Variants in RGSL1 observed in about 807,000 individuals in gnomAD.
RGSL1 encodes the protein regulator of G protein signaling protein-like.
RGSL1 carries 97 observed loss-of-function variants against 124.7 expected under a neutral mutation model. That is an observed-to-expected ratio of 0.78 (90% confidence interval 0.66 to 0.92). The LOEUF (loss-of-function observed/expected upper bound fraction) is 0.92, where lower values mean the gene tolerates loss of function less well. Among genes scored for constraint, RGSL1 ranks in the 40% least tolerant of loss-of-function variants. RGSL1 has a pLI of 0.00. For missense variants in RGSL1, 1,233 were observed against 1,288.4 expected (o/e 0.96, Z 0.66); for synonymous variants, 424 against 438.1 (o/e 0.97, Z 0.40).
At position 182,536,008 on chromosome 1, in the gene RGSL1, G is replaced by A. The variant is rs547066447; in HGVS notation, c.2494+3217G>A. Among the ~76,000 whole-genome samples the A allele has an allele frequency of 2.0e-3, 312 of 152,216 alleles. 1 individual carries two copies. Among genetic ancestry groups the A allele is most frequent in the African/African-American group, 7.1e-3 (295 of 41,542 alleles). On this transcript the variant is annotated intron_variant, in intron 14 of 21. Coordinates refer to ENST00000294854, the MANE Select transcript of RGSL1 (RefSeq NM_001137669.2). ...TATTACTACAGTTTTATCTTTTAAA[G>A]AATTTCATATAAATGGAATCAAGCA...
chr1:182,485,781 C>T (rs2102079108), intron 6 of RGSL1, among the ~76,000 whole-genome samples: 1 of 152,174 alleles, frequency 6.6e-6, no homozygotes, highest in East Asian at 1.9e-4. Context: ...GCATGGCCAG[C>T]AAGCTAGGGA....
rs1234546384 is a variant in RGSL1, at chr1:182,536,014, CAT to C, written c.2494+3227_2494+3228del. 3.9e-5 allele frequency among the ~76,000 whole-genome samples: 6 copies of C among 152,114 alleles called. No individual in the cohort carries two copies. In the East Asian group the frequency reaches 1.2e-3, roughly 29 times the overall value. ...TACAGTTTTATCTTTTAAAGAATTT[CAT>C]ATAAATGGAATCAAGCAGTAGTCTT... On this transcript the variant is annotated intron_variant, in intron 14 of 21. Coordinates refer to ENST00000294854, the MANE Select transcript of RGSL1 (RefSeq NM_001137669.2).
chr1:182,523,026 C>T (rs5779136), intron 10 of RGSL1, among the ~76,000 whole-genome samples: 1 of 150,150 alleles, frequency 6.7e-6, no homozygotes, highest in African/African-American at 2.5e-5. Context: ...AAAACATTTT[C>T]TTTTTTTTAA....
At chr1:182,469,461 G>T (rs1190450696) in intron 4 of RGSL1, among the ~76,000 whole-genome samples, 2 of 152,068 alleles carry the variant, frequency 1.3e-5, no homozygotes, top group Non-Finnish European at 2.9e-5. Flanking sequence ...AAACTATAAT[G>T]AGATACCATT....
At chr1:182,459,558 T>C (rs113316066) in intron 3 of RGSL1, among the ~76,000 whole-genome samples, 3 of 152,220 alleles carry the variant, frequency 2.0e-5, no homozygotes, top group African/African-American at 7.2e-5. Context: ...ATGCTATGTG[T>C]GAATTTTGTT....
chr1:182,448,796 T>C (rs1651625471), upstream of RGSL1, among the ~76,000 whole-genome samples: 1 of 152,174 alleles, frequency 6.6e-6, no homozygotes, highest in African/African-American at 2.4e-5. Flanking sequence ...GATACTGGCT[T>C]TTCATCTTTA....
chr1:182,529,158 C>T (rs559171943), intron 11 of RGSL1, among the ~76,000 whole-genome samples: 2 of 152,172 alleles, frequency 1.3e-5, no homozygotes, highest in Non-Finnish European at 2.9e-5. Flanking sequence ...AAGATACTTT[C>T]ACATGTATCC....
At chr1:182,527,514 A>C in intron 10 of RGSL1, 65 bp from the exon 11 acceptor site, 4 of 1,375,212 alleles carry the variant, frequency 2.9e-6, no homozygotes, top group Non-Finnish European at 3.9e-6. Flanking sequence ...CCCATTTCCT[A>C]ATTGAAACAG....
At chr1:182,466,962 T>C (rs1653387011) in intron 4 of RGSL1, among the ~76,000 whole-genome samples, 1 of 152,202 alleles carries the variant, frequency 6.6e-6, no homozygotes, top group Admixed American at 6.5e-5. Context: ...AGCATTCTTA[T>C]ACACCAATAA....
At chr1:182,558,328 G>A (rs1200975110) in intron 21 of RGSL1, among the ~76,000 whole-genome samples, 3 of 149,426 alleles carry the variant, frequency 2.0e-5, no homozygotes, top group African/African-American at 7.7e-5. Context: ...CCAAGAAAGA[G>A]GGACCAGGTA....
intron 9 of RGSL1, among the ~76,000 whole-genome samples, chr1:182,500,465 T>C (rs1656264895): frequency 6.6e-6 from 1 of 152,342 alleles, no homozygotes; most frequent in South Asian, 2.1e-4. Context: ...ATTTTATTTT[T>C]TCAAGGTCGT....
intron 4 of RGSL1, among the ~76,000 whole-genome samples, chr1:182,465,380 G>A (rs142516677): frequency 0.065 from 9,677 of 149,642 alleles, 408 homozygotes; most frequent in South Asian, 0.18. Context: ...ACCAAACACC[G>A]CATGTTCTCA....
At chr1:182,520,964 G>C (rs564366236) in intron 9 of RGSL1, among the ~76,000 whole-genome samples, 1 of 152,276 alleles carries the variant, frequency 6.6e-6, no homozygotes, top group African/African-American at 2.4e-5. Context: ...TGCCCTTGAT[G>C]AGTTCATAGT....
rs1195175026 is a variant in RGSL1, at chr1:182,541,782, AGAT to A, written c.2669+1365_2669+1367del. On this transcript the variant is annotated intron_variant, in intron 15 of 21. Coordinates refer to ENST00000294854, the MANE Select transcript of RGSL1 (RefSeq NM_001137669.2). ...GATAATAGCGACTTTAACTAGGGTA[AGAT>A]GATATCTCGTTGTGGTTTTGACTTG... Among the ~76,000 whole-genome samples, 4 of 152,172 alleles carry A rather than the reference AGAT, an allele frequency of 2.6e-5. No individual in the cohort carries two copies. In the South Asian group the frequency reaches 6.2e-4, roughly 24 times the overall value.
At chr1:182,505,198 C>T (rs1656722357) in intron 9 of RGSL1, among the ~76,000 whole-genome samples, 1 of 150,760 alleles carries the variant, frequency 6.6e-6, no homozygotes, top group Non-Finnish European at 1.5e-5. Context: ...GGAAACACTC[C>T]AAGTATGGCA....
chr1:182,530,160 T>TAAAA, intron 11 of RGSL1, 84 bp from the exon 12 acceptor site: 3 of 778,978 alleles, frequency 3.9e-6, no homozygotes, highest in Admixed American at 3.2e-5. Flanking sequence ...GACTCTAAGA[T>TAAAA]AAAAAAAAAA....
chr1:182,559,601 G>A (rs534485434), intron 21 of RGSL1, among the ~76,000 whole-genome samples: 6 of 152,274 alleles, frequency 3.9e-5, no homozygotes, highest in Admixed American at 2.0e-4. Flanking sequence ...TTTCCTCAGC[G>A]TGAAAGCTTT....
At chr1:182,469,741 G>A (rs1370687652) in intron 4 of RGSL1, among the ~76,000 whole-genome samples, 2 of 152,096 alleles carry the variant, frequency 1.3e-5, no homozygotes, top group African/African-American at 2.4e-5. Flanking sequence ...GTTAAGTGTG[G>A]AAACAGTCCA....
chr1:182,526,526 T>TAAAAAAAAA (rs1658757392), intron 10 of RGSL1, among the ~76,000 whole-genome samples: 3 of 151,894 alleles, frequency 2.0e-5, no homozygotes, highest in Non-Finnish European at 2.9e-5. Context: ...CAAACATTAT[T>TAAAAAAAAA]AGCAGGGCAT....
Sources: allele counts gnomAD v4.1 joint callset (sites outside exome capture counted in the v4.1 genomes callset), GRCh38; gene constraint gnomAD v4.1.1; transcripts MANE v1.5; gene names NCBI Gene and HGNC (gene_info 2026-07-23, HGNC 2026-07-21).